Variants in UQCRC2 observed in about 807,000 individuals in gnomAD.
The protein encoded by UQCRC2 is ubiquinol-cytochrome c reductase core protein 2.
A neutral mutation model predicts 55.6 loss-of-function variants in UQCRC2; 49 were observed. The observed-to-expected ratio is 0.88, with a 90% CI of 0.70 to 1.12. UQCRC2 has a LOEUF of 1.12. Ranked by LOEUF, UQCRC2 falls within the 50% of genes most tolerant of loss-of-function variation. The probability of loss-of-function intolerance (pLI) is 0.00; values close to 1 mark genes in which losing one functional copy is unlikely to be tolerated. For missense variants in UQCRC2, 506 were observed against 547.8 expected (o/e 0.92, Z 0.76); for synonymous variants, 193 against 192.0 (o/e 1.01, Z -0.04).
At chr16:21,971,436 A>T in intron 8 of UQCRC2, 89 bp from the exon 9 acceptor site, 2 of 1,094,118 alleles carry the variant, frequency 1.8e-6, no homozygotes, top group Non-Finnish European at 2.7e-6. Context: ...AGGATTTTAC[A>T]ATCGTATTTT....
Position 21,976,192 on chromosome 16 carries a change from T to C in UQCRC2, c.1073T>C (p.Val358Ala). The change falls in exon 12 of 14, where the codon GTA becomes GCA. Residue 358 changes from valine (V) to alanine (A), a missense_variant. Coordinates refer to ENST00000268379, the MANE Select transcript of UQCRC2 (RefSeq NM_003366.4). Reference sequence around the variant, plus strand: ...GTTATCAAGGCTGCCTATAATCAAGTAAAAACAATAGCTCAAGGAAACCTT... The same window carrying C: ...GTTATCAAGGCTGCCTATAATCAAGCAAAAACAATAGCTCAAGGAAACCTT... ...GDVIKAAYNQ[V>A]KTIAQGNLSN... The C allele has an allele frequency of 1.2e-6, 2 of 1,614,046 alleles. No homozygotes were observed. The highest frequency in any genetic ancestry group is 1.7e-6 in the Non-Finnish European group (2 of 1,179,912).
At chr16:21,972,297 G>C (rs1898482249) in intron 10 of UQCRC2, among the ~76,000 whole-genome samples, 175 bp downstream of exon 10, 1 of 152,128 alleles carries the variant, frequency 6.6e-6, no homozygotes. Flanking sequence ...AAACTCACTG[G>C]CTTTTCCACT....
chr16:21,972,944 AC>A (rs1241798904), intron 10 of UQCRC2, among the ~76,000 whole-genome samples: 2 of 152,162 alleles, frequency 1.3e-5, no homozygotes, highest in African/African-American at 2.4e-5. Flanking sequence ...TACTAAAAAT[AC>A]AAAAATTGTC....
At position 21,978,541 on chromosome 16, in the gene UQCRC2, A is replaced by G. The variant is rs148053362; in HGVS notation, c.1125-2006A>G. ...CCACCTGCCTTTTCCATCATACCCT[A>G]TGCTCACAGACAAATCTCAGCAAGA... On this transcript the variant is annotated intron_variant, in intron 12 of 13. Transcript: ENST00000268379. Among the ~76,000 whole-genome samples the G allele has an allele frequency of 2.6e-5, 4 of 152,226 alleles. No homozygotes were observed. In the East Asian group the frequency reaches 7.7e-4, roughly 29 times the overall value.
chr16:21,957,362 C>T, intron 2 of UQCRC2, 44 bp downstream of exon 2: 1 of 1,613,918 alleles, frequency 6.2e-7, no homozygotes, highest in South Asian at 1.1e-5. Flanking sequence ...ACATGCCTTA[C>T]TCTCCTTGGT....
At chr16:21,961,664 A>ATATATATATATATATG (rs1261737606) in intron 4 of UQCRC2, among the ~76,000 whole-genome samples, 2 of 103,986 alleles carry the variant, frequency 1.9e-5, no homozygotes, top group Non-Finnish European at 3.7e-5. Context: ...ATATATATAT[A>ATATATATATATATATG]TATATTTTAG....
At chr16:21,969,363 G>A (rs1212720620) in intron 8 of UQCRC2, among the ~76,000 whole-genome samples, 2 of 152,004 alleles carry the variant, frequency 1.3e-5, no homozygotes, top group African/African-American at 2.4e-5. Context: ...GCGAAACCCC[G>A]TCTCTACTAA....
chr16:21,967,935 A>G (rs1898366556), intron 7 of UQCRC2, among the ~76,000 whole-genome samples: 1 of 151,944 alleles, frequency 6.6e-6, no homozygotes, highest in African/African-American at 2.4e-5. Flanking sequence ...AAGCTACATT[A>G]TAATAAAAAT....
At chr16:21,980,310 G>A (rs2141948986) in intron 12 of UQCRC2, 1 of 456,284 alleles carries the variant, frequency 2.2e-6, no homozygotes, top group South Asian at 3.6e-5. Context: ...AGGCCAAAGT[G>A]GGCCCTCAAT....
At chr16:21,974,861 G>T (rs1898545143) in intron 11 of UQCRC2, among the ~76,000 whole-genome samples, 1 of 152,194 alleles carries the variant, frequency 6.6e-6, no homozygotes, top group South Asian at 2.1e-4. Context: ...GGAAGATATT[G>T]GGAAGATGGG....
chr16:21,979,013 A>G (rs1898652271), intron 12 of UQCRC2, among the ~76,000 whole-genome samples: 1 of 152,224 alleles, frequency 6.6e-6, no homozygotes, highest in Non-Finnish European at 1.5e-5. Flanking sequence ...TAAGAAGAAA[A>G]TAAACATGAG....
intron 9 of UQCRC2, 22 bp from the exon 10 acceptor site, chr16:21,971,901 T>C: frequency 6.2e-7 from 1 of 1,612,754 alleles, no homozygotes; most frequent in Non-Finnish European, 8.5e-7. Context: ...TCTTCTTCCC[T>C]CTATCCTTAA....
chr16:21,983,036 T>G, intron 13 of UQCRC2, 52 bp from the exon 14 acceptor site: 1 of 1,504,224 alleles, frequency 6.6e-7, no homozygotes, highest in Non-Finnish European at 9.2e-7. Flanking sequence ...GCCTGCTTGA[T>G]GATATATATT....
intron 1 of UQCRC2, among the ~76,000 whole-genome samples, chr16:21,956,168 A>G (rs1898083426): frequency 6.6e-6 from 1 of 152,200 alleles, no homozygotes; most frequent in Non-Finnish European, 1.5e-5. Flanking sequence ...AAGGAGATGA[A>G]ACCATTTCAA....
chr16:21,969,057 A>C (rs546767610), intron 8 of UQCRC2, among the ~76,000 whole-genome samples: 1 of 152,294 alleles, frequency 6.6e-6, no homozygotes, highest in South Asian at 2.1e-4. Flanking sequence ...GTAGCCAACT[A>C]TCTTTGTTTT....
At chr16:21,971,272 A>G (rs1012136471) in intron 8 of UQCRC2, among the ~76,000 whole-genome samples, 4 of 152,334 alleles carry the variant, frequency 2.6e-5, no homozygotes, top group Middle Eastern at 3.4e-3. Flanking sequence ...ACCATTTTAG[A>G]AATAAATTGA....
intron 4 of UQCRC2, chr16:21,961,401 G>T: frequency 2.6e-6 from 1 of 378,994 alleles, no homozygotes; most frequent in African/African-American, 2.1e-5. Context: ...AGATCCATAC[G>T]TCAACATAGC....
chr16:21,977,266 A>T (rs966067496), intron 12 of UQCRC2, among the ~76,000 whole-genome samples: 1 of 151,954 alleles, frequency 6.6e-6, no homozygotes, highest in Non-Finnish European at 1.5e-5. Flanking sequence ...AAGAGGGGGG[A>T]TTGCTTGAGC....
At chr16:21,981,864 G>A (rs142602384) in intron 13 of UQCRC2, among the ~76,000 whole-genome samples, 2 of 147,616 alleles carry the variant, frequency 1.4e-5, no homozygotes, top group African/African-American at 2.5e-5. Flanking sequence ...TTTTTGAGAC[G>A]GAGTCTTGCT....
Sources: allele counts gnomAD v4.1 joint callset (sites outside exome capture counted in the v4.1 genomes callset), GRCh38; gene constraint gnomAD v4.1.1; transcripts MANE v1.5; gene names NCBI Gene and HGNC (gene_info 2026-07-23, HGNC 2026-07-21).